Variants in ABLIM1 observed in about 807,000 individuals in gnomAD.
The protein encoded by ABLIM1 is actin binding LIM protein 1.
In ABLIM1, 40 loss-of-function variants were observed where a neutral mutation model predicts 107.0. The observed-to-expected ratio is 0.37, with a 90% CI of 0.29 to 0.49. ABLIM1 has a LOEUF of 0.49. Ranked by LOEUF, ABLIM1 falls within the 20% of genes least tolerant of loss-of-function variation. The pLI is 0.97. For synonymous variants in ABLIM1, 357 were observed against 357.3 expected (o/e 1.00, Z 0.01); for missense variants, 857 against 1,008.5 (o/e 0.85, Z 2.04).
chr10:114,692,899 C>CA (rs980573746), intron 1 of ABLIM1, among the ~76,000 whole-genome samples: 4 of 151,716 alleles, frequency 2.6e-5, no homozygotes, highest in Non-Finnish European at 5.9e-5. Context: ...CACACACACA[C>CA]AAAAAAAATG....
At chr10:114,491,972 T>C in intron 6 of ABLIM1, 94 bp from the exon 7 acceptor site, 9 of 1,078,580 alleles carry the variant, frequency 8.3e-6, no homozygotes, top group Admixed American at 2.2e-5. Flanking sequence ...AAAGAGAGGA[T>C]GCTGAAAAAG....
chr10:114,768,751 AACAG>A (rs2082965663), upstream of ABLIM1, among the ~76,000 whole-genome samples: 1 of 151,908 alleles, frequency 6.6e-6, no homozygotes, highest in Admixed American at 6.5e-5. Context: ...GTCTTGAGCC[AACAG>A]ACACTCAAGG....
rs186459942 is a variant in ABLIM1 at position 114,536,668 on chromosome 10, T to A, written c.894+8337A>T. ...TCTAGATATACCACCTTTTGCTTAATTCATATTTAAAATGAAGCAATTTCT... is the reference window on the plus strand; with the variant it reads ...TCTAGATATACCACCTTTTGCTTAAATCATATTTAAAATGAAGCAATTTCT... On this transcript the variant is annotated intron_variant, in intron 6 of 22. Transcript: ENST00000533213. Among the ~76,000 whole-genome samples the A allele has an allele frequency of 2.0e-5, 3 of 152,368 alleles. No homozygotes were observed. The East Asian group carries it at 5.8e-4, about 29-fold the overall frequency.
the ABLIM1 span, among the ~76,000 whole-genome samples, chr10:114,799,642 A>G: frequency 2.0e-5 from 3 of 152,224 alleles, no homozygotes; most frequent in Admixed American, 6.5e-5. Context: ...CCAGAGTCCA[A>G]CTGCCTATCA....
At chr10:114,732,847 T>C (rs1460799768) in intron 1 of ABLIM1, among the ~76,000 whole-genome samples, 5 of 152,234 alleles carry the variant, frequency 3.3e-5, no homozygotes, top group Non-Finnish European at 7.3e-5. Flanking sequence ...CAAATAATCC[T>C]TAAACACAAA....
intron 6 of ABLIM1, among the ~76,000 whole-genome samples, chr10:114,543,918 A>G (rs543489129): frequency 1.3e-5 from 2 of 152,292 alleles, no homozygotes; most frequent in East Asian, 1.9e-4. Flanking sequence ...TCCCAAATGC[A>G]ATCAGCTGCC....
intron 15 of ABLIM1, among the ~76,000 whole-genome samples, chr10:114,447,197 C>G (rs966732626): frequency 6.6e-6 from 1 of 152,084 alleles, no homozygotes; most frequent in African/African-American, 2.4e-5. Context: ...AGTAGGTTCA[C>G]TACTGATAAT....
At chr10:114,575,826 G>C (rs530686601) in intron 2 of ABLIM1, among the ~76,000 whole-genome samples, 1 of 152,278 alleles carries the variant, frequency 6.6e-6, no homozygotes, top group African/African-American at 2.4e-5. Flanking sequence ...CAGCTTTTGT[G>C]ATATGTCTAA....
At chr10:114,472,154 C>T (rs915670291) in intron 10 of ABLIM1, among the ~76,000 whole-genome samples, 2 of 152,180 alleles carry the variant, frequency 1.3e-5, no homozygotes, top group African/African-American at 4.8e-5. Context: ...CTGATAATTG[C>T]TTTACATAGA....
chr10:114,450,211 T>TA (rs397759195), intron 14 of ABLIM1: 66,740 of 141,018 alleles, frequency 0.47, 12,455 homozygotes, highest in African/African-American at 0.55. Flanking sequence ...CAATAAACCA[T>TA]AAAAAAAAAA....
exon 1 of ABLIM1, chr10:114,684,705 G>A (rs987180766): frequency 9.5e-6 from 10 of 1,057,486 alleles, no homozygotes; most frequent in African/African-American, 1.6e-5. Flanking sequence ...ATTAGAACAC[G>A]CCAAGAATGT....
At chr10:114,468,343 C>T (rs1374743505) in intron 10 of ABLIM1, 127 bp from the exon 11 acceptor site, 17 of 847,602 alleles carry the variant, frequency 2.0e-5, no homozygotes, top group South Asian at 4.3e-5. Flanking sequence ...GGCGCAATCT[C>T]GGTTTACTGC....
rs547916997 is a variant in ABLIM1, at chr10:114,562,420, T to C, written c.673+8877A>G. 5.3e-5 allele frequency among the ~76,000 whole-genome samples: 8 copies of C among 152,148 alleles called. No individual in the cohort carries two copies. The East Asian group carries it at 1.5e-3, about 29-fold the overall frequency. On this transcript the variant is annotated intron_variant, in intron 4 of 22. Transcript: ENST00000533213. ...GGCGGGCACCTGTAGTCCCAGCTAC[T>C]CGGGAGGCTGAGGCAGGAGAATGGT... is the stretch of plus-strand genomic sequence containing the variant.
intron 1 of ABLIM1, among the ~76,000 whole-genome samples, chr10:114,723,772 T>A (rs895682028): frequency 2.6e-5 from 4 of 151,098 alleles, no homozygotes. Flanking sequence ...GTCTGTGAGC[T>A]CTTTTGTACC....
the ABLIM1 span, among the ~76,000 whole-genome samples, chr10:114,787,286 C>A: frequency 1.3e-5 from 2 of 151,694 alleles, no homozygotes; most frequent in African/African-American, 2.4e-5. Context: ...AAGTGAGGAG[C>A]CTCTCTGCCC....
chr10:114,681,120 G>C (rs2080729605), intron 1 of ABLIM1, among the ~76,000 whole-genome samples: 1 of 152,210 alleles, frequency 6.6e-6, no homozygotes, highest in African/African-American at 2.4e-5. Flanking sequence ...CATTTAGCTA[G>C]TCATACAACC....
At chr10:114,556,744 A>G (rs762914609) in intron 4 of ABLIM1, among the ~76,000 whole-genome samples, 3 of 152,150 alleles carry the variant, frequency 2.0e-5, no homozygotes, top group African/African-American at 2.4e-5. Context: ...AGGCTGTTCA[A>G]TGTTGCCAGG....
chr10:114,600,070 C>A (rs1362039438), intron 2 of ABLIM1, among the ~76,000 whole-genome samples: 3 of 151,996 alleles, frequency 2.0e-5, no homozygotes, highest in Non-Finnish European at 4.4e-5. Flanking sequence ...AACTTCAGAC[C>A]TGGGATGATA....
intron 6 of ABLIM1, among the ~76,000 whole-genome samples, chr10:114,538,659 G>A (rs1241276161): frequency 6.6e-6 from 1 of 152,194 alleles, no homozygotes; most frequent in African/African-American, 2.4e-5. Context: ...GTGGGACTCA[G>A]AGCCCCGCCC....
Sources: gnomAD v4.1 joint callset for allele counts (sites outside exome capture counted in the v4.1 genomes callset) on GRCh38, gnomAD v4.1.1 for gene constraint, MANE v1.5 for transcripts, NCBI Gene and HGNC (gene_info 2026-07-23, HGNC 2026-07-21) for gene names.